The following SRGAP2B variants were observed in gnomAD, a reference collection of about 807,000 sequenced individuals.
SRGAP2B encodes the protein SLIT-ROBO Rho GTPase activating protein 2B, also known as SLIT-ROBO Rho GTPase-activating protein 2B.
SRGAP2B carries 9 observed loss-of-function variants against 22.2 expected under a neutral mutation model. The observed-to-expected ratio is 0.41, with a 90% CI of 0.24 to 0.71. The LOEUF is 0.71. SRGAP2B is among the 30% of genes least tolerant of loss of function. The pLI is 0.35. For synonymous variants in SRGAP2B, 36 were observed against 87.4 expected (o/e 0.41, Z 3.28); for missense variants, 114 against 235.8 (o/e 0.48, Z 3.38).
chr1:144,990,903 C>T (rs1450227935), intron 3 of SRGAP2B, among the ~76,000 whole-genome samples: 2 of 151,190 alleles, frequency 1.3e-5, no homozygotes, highest in African/African-American at 4.9e-5. Context: ...GGGCTCGGGA[C>T]CTGCAGCCCG....
rs1340642970 is a variant in SRGAP2B, at chr1:145,038,313, T to A, written c.68-43113A>T. 1.7e-5 allele frequency among the ~76,000 whole-genome samples: 2 copies of A among 118,930 alleles called. 1 individual carries two copies. The highest frequency in any genetic ancestry group is 1.7e-4 in the Admixed American group (2 of 11,482). The allele number at this position is 118,930 out of a possible 152,430, so 78.0% of individuals were successfully genotyped here. A position where few individuals can be genotyped will look rare whatever the true frequency, so the allele number is the denominator to read the frequency against. On this transcript the variant is annotated intron_variant, in intron 2 of 9. Transcript: ENST00000612199. ...ACATATATTCATATCTCCTTTTACTTACATAAAGAAACACTGCACAGATAT... is the reference window on the plus strand; with the variant it reads ...ACATATATTCATATCTCCTTTTACTAACATAAAGAAACACTGCACAGATAT...
intron 3 of SRGAP2B, among the ~76,000 whole-genome samples, chr1:144,964,545 C>T (rs1192058534): frequency 2.7e-5 from 4 of 150,596 alleles, no homozygotes; most frequent in African/African-American, 1.0e-4. Flanking sequence ...AAGAGAAGCC[C>T]TAGTCAATTT....
chr1:144,951,649 T>C (rs1198303620), intron 4 of SRGAP2B, among the ~76,000 whole-genome samples: 1 of 149,806 alleles, frequency 6.7e-6, no homozygotes, highest in Non-Finnish European at 1.5e-5. Flanking sequence ...ACTTCTATTA[T>C]CATAATTTTT....
chr1:144,964,798 A>T, intron 3 of SRGAP2B, among the ~76,000 whole-genome samples: 1 of 150,346 alleles, frequency 6.7e-6, no homozygotes, highest in Non-Finnish European at 1.5e-5. Context: ...ACGTGCCTGT[A>T]CTCCTGGCTA....
intron 1 of SRGAP2B, among the ~76,000 whole-genome samples, chr1:145,093,905 A>G (rs1462573496): frequency 2.0e-5 from 3 of 147,346 alleles, no homozygotes; most frequent in Non-Finnish European, 4.5e-5. Flanking sequence ...CCCTCCTCCC[A>G]GTTGTTTTGT....
At chr1:144,926,780 G>A (rs1426296115) in intron 4 of SRGAP2B, among the ~76,000 whole-genome samples, 3 of 144,524 alleles carry the variant, frequency 2.1e-5, no homozygotes, top group Admixed American at 6.9e-5. Context: ...GATCATTTGA[G>A]CCCAGGAGTT....
chr1:144,984,389 CCTCT>C (rs1187526624), intron 3 of SRGAP2B, among the ~76,000 whole-genome samples: 2 of 142,578 alleles, frequency 1.4e-5, no homozygotes, highest in Non-Finnish European at 3.1e-5. Flanking sequence ...CAAAAAAGCC[CCTCT>C]CTATTTCTTT....
At chr1:145,070,051 A>T (rs1283290974) in intron 2 of SRGAP2B, among the ~76,000 whole-genome samples, 18 of 149,370 alleles carry the variant, frequency 1.2e-4, no homozygotes, top group South Asian at 2.1e-4. Flanking sequence ...TTTTTTTTTT[A>T]AAGCGCTGAT....
intron 2 of SRGAP2B, among the ~76,000 whole-genome samples, chr1:145,041,154 G>A (rs1223149690): frequency 9.4e-6 from 1 of 106,602 alleles, no homozygotes; most frequent in Non-Finnish European, 1.8e-5. Flanking sequence ...TAGAATGTAA[G>A]CTCCATGAGG....
intron 3 of SRGAP2B, among the ~76,000 whole-genome samples, chr1:144,958,935 T>G (rs1190556034): frequency 1.2e-4 from 18 of 150,350 alleles, no homozygotes; most frequent in Admixed American, 2.6e-4. Flanking sequence ...ACCACTGCAA[T>G]GTCTCGCAGG....
chr1:144,989,644 A>G (rs1179314787), intron 3 of SRGAP2B, among the ~76,000 whole-genome samples: 1 of 143,400 alleles, frequency 7.0e-6, no homozygotes, highest in East Asian at 2.1e-4. Context: ...ATCAACACAG[A>G]GCACAGTACT....
intron 2 of SRGAP2B, among the ~76,000 whole-genome samples, chr1:145,061,657 G>A (rs1355666286): frequency 1.3e-5 from 2 of 149,304 alleles, no homozygotes; most frequent in Non-Finnish European, 3.0e-5. Context: ...GTGTGATCTC[G>A]GCTCACTGCA....
At chr1:145,076,392 A>G (rs1422265152) in intron 2 of SRGAP2B, among the ~76,000 whole-genome samples, 11 of 150,122 alleles carry the variant, frequency 7.3e-5, no homozygotes, top group Non-Finnish European at 1.3e-4. Flanking sequence ...GAGCAGCTTC[A>G]TTCATAACAG....
At chr1:144,956,758 A>G (rs1210578018) in intron 3 of SRGAP2B, among the ~76,000 whole-genome samples, 1 of 150,112 alleles carries the variant, frequency 6.7e-6, no homozygotes, top group Admixed American at 6.6e-5. Context: ...CTAGATGCTC[A>G]TTTCTAATGA....
intron 1 of SRGAP2B, among the ~76,000 whole-genome samples, chr1:145,093,922 T>C (rs587761361): frequency 0.012 from 1,741 of 148,718 alleles, 127 homozygotes; most frequent in Middle Eastern, 0.052. Context: ...TTGTTTTTGG[T>C]TACTAGCTTC....
chr1:144,966,283 A>G (rs1466619895), intron 3 of SRGAP2B, among the ~76,000 whole-genome samples: 1 of 150,194 alleles, frequency 6.7e-6, no homozygotes, highest in African/African-American at 2.5e-5. Context: ...TCAGACTAAC[A>G]GCAAATCTCT....
In SRGAP2B at chr1:144,902,740, C is replaced by T. The variant is rs1309005288; in HGVS notation, c.831+2351G>A. Among the ~76,000 whole-genome samples, 9 of 137,730 alleles carry T rather than the reference C, an allele frequency of 6.5e-5. No individual in the cohort carries two copies. The South Asian group carries it at 6.9e-4, about 11-fold the overall frequency. The allele number at this position is 137,730 out of a possible 152,430, so 90.4% of individuals were successfully genotyped here. On this transcript the variant is annotated intron_variant, in intron 7 of 9. Transcript: ENST00000612199. The stretch of plus-strand genomic sequence containing the variant: ...TCGCACCACCGTACTCCAGCCTGGG[C>T]GACAGAGAGAGACTCCTTCTCAAAA...
At chr1:144,907,246 C>A in intron 5 of SRGAP2B, among the ~76,000 whole-genome samples, 1 of 150,296 alleles carries the variant, frequency 6.7e-6, no homozygotes, top group Non-Finnish European at 1.5e-5. Context: ...GTACCATGGG[C>A]TTTACGTACA....
intron 2 of SRGAP2B, among the ~76,000 whole-genome samples, chr1:145,089,456 CA>C (rs1558878926): frequency 6.9e-6 from 1 of 145,444 alleles, no homozygotes; most frequent in Non-Finnish European, 1.5e-5. Flanking sequence ...TATAGGGAGG[CA>C]AAAATCAAGG....
Sources: gnomAD v4.1 joint callset for allele counts (sites outside exome capture counted in the v4.1 genomes callset) on GRCh38, gnomAD v4.1.1 for gene constraint, MANE v1.5 for transcripts, NCBI Gene and HGNC (gene_info 2026-07-23, HGNC 2026-07-21) for gene names.